Variants in LRP1B observed in about 807,000 individuals in gnomAD.
The protein encoded by LRP1B is low-density lipoprotein receptor-related protein 1B.
LRP1B carries 217 observed loss-of-function variants against 556.6 expected under a neutral mutation model. The observed-to-expected ratio is 0.39, with a 90% CI of 0.35 to 0.44. LRP1B has a LOEUF of 0.44. Among genes scored for constraint, LRP1B ranks in the 20% least tolerant of loss-of-function variants. LRP1B has a pLI of 1.00. For synonymous variants in LRP1B, 2,047 were observed against 1,865.8 expected (o/e 1.10, Z -2.50); for missense variants, 5,053 against 5,620.8 (o/e 0.90, Z 3.23).
chr2:140,489,928 G>A lies in LRP1B; in HGVS notation c.9121-2189C>T, dbSNP rs112154066. Among the ~76,000 whole-genome samples the A allele has an allele frequency of 7.9e-3, 1,204 of 152,144 alleles. 14 individuals carry two copies. Among genetic ancestry groups the A allele is most frequent in the Middle Eastern group, 0.024 (7 of 294 alleles). On this transcript the variant is annotated intron_variant, in intron 57 of 90. Transcript: ENST00000389484. ...ATTAAAGCTGCAAATGCAGAAAAAT[G>A]GAAGCTCTAAATTCCAACATATCTA...
At chr2:141,169,549 C>T (rs192032538) in intron 7 of LRP1B, among the ~76,000 whole-genome samples, 58 of 151,632 alleles carry the variant, frequency 3.8e-4, no homozygotes, top group African/African-American at 1.4e-3. Context: ...CTGCACGATA[C>T]AGTGACATGA....
chr2:141,213,747 C>T (rs1002412655), intron 6 of LRP1B, among the ~76,000 whole-genome samples: 1 of 152,146 alleles, frequency 6.6e-6, no homozygotes, highest in Non-Finnish European at 1.5e-5. Flanking sequence ...AATTGTAATA[C>T]CAAATACAAA....
chr2:140,718,720 G>A (rs1687295377), intron 35 of LRP1B, among the ~76,000 whole-genome samples: 1 of 151,974 alleles, frequency 6.6e-6, no homozygotes, highest in Non-Finnish European at 1.5e-5. Flanking sequence ...CTTCTCATGA[G>A]TTTCATGATC....
At chr2:141,193,581 T>C (rs760100524) in intron 6 of LRP1B, among the ~76,000 whole-genome samples, 2 of 151,964 alleles carry the variant, frequency 1.3e-5, no homozygotes, top group South Asian at 2.1e-4. Flanking sequence ...CACTGGAGTC[T>C]ACTTGAGGGT....
chr2:141,677,734 C>T (rs1054727648), intron 2 of LRP1B, among the ~76,000 whole-genome samples: 27 of 152,166 alleles, frequency 1.8e-4, no homozygotes, highest in Admixed American at 7.9e-4. Context: ...GGTGATCCGC[C>T]CGCCTTGGCC....
intron 37 of LRP1B, among the ~76,000 whole-genome samples, chr2:140,715,225 T>C (rs1456360997): frequency 6.6e-6 from 1 of 151,992 alleles, no homozygotes; most frequent in African/African-American, 2.4e-5. Context: ...TAGAAATTCC[T>C]TGAAAGATTT....
At chr2:141,079,543 T>C (rs1241921680) in intron 7 of LRP1B, among the ~76,000 whole-genome samples, 1 of 152,224 alleles carries the variant, frequency 6.6e-6, no homozygotes, top group Non-Finnish European at 1.5e-5. Context: ...GAGCACACTA[T>C]AATAATCCTG....
At chr2:140,876,188 G>T (rs1693299285) in intron 25 of LRP1B, among the ~76,000 whole-genome samples, 1 of 152,124 alleles carries the variant, frequency 6.6e-6, no homozygotes, top group Non-Finnish European at 1.5e-5. Context: ...ATAGAAGATT[G>T]AAGTAATCCT....
intron 66 of LRP1B, among the ~76,000 whole-genome samples, chr2:140,432,521 T>C (rs1685995898): frequency 6.6e-6 from 1 of 152,224 alleles, no homozygotes; most frequent in African/African-American, 2.4e-5. Flanking sequence ...TTATTACTGC[T>C]CAGAGTCTGT....
intron 41 of LRP1B, among the ~76,000 whole-genome samples, chr2:140,643,422 G>A (rs1325800684): frequency 6.6e-6 from 1 of 151,968 alleles, no homozygotes; most frequent in Non-Finnish European, 1.5e-5. Flanking sequence ...ATCTTGTTTT[G>A]AAAAATAGAA....
intron 71 of LRP1B, among the ~76,000 whole-genome samples, chr2:140,366,694 A>G (rs181252540): frequency 6.6e-6 from 1 of 151,788 alleles, no homozygotes; most frequent in East Asian, 1.9e-4. Context: ...CATGTAACTA[A>G]TGCTAAGCAG....
intron 2 of LRP1B, among the ~76,000 whole-genome samples, chr2:141,552,295 A>G (rs940301035): frequency 2.6e-5 from 4 of 151,992 alleles, no homozygotes; most frequent in African/African-American, 9.7e-5. Context: ...TTCCTTCCCA[A>G]GCGTTTTAAT....
chr2:140,837,710 T>A (rs972391955), intron 31 of LRP1B, among the ~76,000 whole-genome samples: 24 of 150,610 alleles, frequency 1.6e-4, no homozygotes, highest in African/African-American at 5.9e-4. Flanking sequence ...AAACACCGCA[T>A]ATTCTCACTC....
At chr2:141,651,626 T>C (rs1158928274) in intron 2 of LRP1B, among the ~76,000 whole-genome samples, 1 of 152,074 alleles carries the variant, frequency 6.6e-6, no homozygotes, top group Admixed American at 6.6e-5. Context: ...GATCGTGCCA[T>C]TGCACTCCAG....
intron 11 of LRP1B, among the ~76,000 whole-genome samples, chr2:141,024,259 G>A (rs1698154588): frequency 6.6e-6 from 1 of 151,956 alleles, no homozygotes; most frequent in Admixed American, 6.6e-5. Flanking sequence ...GCCAGCTGAG[G>A]CTGATATTTC....
intron 66 of LRP1B, 25 bp downstream of exon 66, chr2:140,442,479 A>G: frequency 6.2e-7 from 1 of 1,601,044 alleles, no homozygotes. Context: ...ACGGAGAGAT[A>G]AGACCCAGAG....
intron 1 of LRP1B, among the ~76,000 whole-genome samples, chr2:141,976,036 A>T (rs1200295565): frequency 2.6e-5 from 4 of 152,110 alleles, no homozygotes; most frequent in Admixed American, 6.6e-5. Context: ...AAGTTATAGC[A>T]TATTTTATAA....
At chr2:141,179,355 T>C (rs1468304709) in intron 7 of LRP1B, among the ~76,000 whole-genome samples, 1 of 152,054 alleles carries the variant, frequency 6.6e-6, no homozygotes, top group Non-Finnish European at 1.5e-5. Flanking sequence ...TGTATGTTTC[T>C]TTTTAATCTC....
intron 2 of LRP1B, among the ~76,000 whole-genome samples, chr2:141,772,953 C>G (rs1694950012): frequency 6.6e-6 from 1 of 152,286 alleles, no homozygotes; most frequent in South Asian, 2.1e-4. Flanking sequence ...CCTTCCTCCT[C>G]TTTTGTTAAA....
Sources: gnomAD v4.1 joint callset for allele counts (sites outside exome capture counted in the v4.1 genomes callset) on GRCh38, gnomAD v4.1.1 for gene constraint, MANE v1.5 for transcripts, NCBI Gene and HGNC (gene_info 2026-07-23, HGNC 2026-07-21) for gene names.